The following ESRRG variants were observed in gnomAD, a reference collection of about 807,000 sequenced individuals.
The protein encoded by ESRRG is estrogen related receptor gamma.
ESRRG carries 13 observed loss-of-function variants against 44.0 expected under a neutral mutation model. The observed-to-expected ratio is 0.30, with a 90% CI of 0.19 to 0.47. The LOEUF is 0.47. Among genes scored for constraint, ESRRG ranks in the 20% least tolerant of loss-of-function variants. The pLI is 1.00. For synonymous variants in ESRRG, 215 were observed against 214.6 expected, an observed-to-expected ratio of 1.00 and a Z score of -0.02; for missense variants, 395 against 580.6, an observed-to-expected ratio of 0.68 and a Z score of 3.29.
intron 2 of ESRRG, among the ~76,000 whole-genome samples, chr1:216,729,580 C>T (rs906921251): frequency 6.6e-5 from 10 of 152,074 alleles, no homozygotes; most frequent in African/African-American, 2.4e-4. Context: ...AAAGGGAAAA[C>T]TAAAAGATGT....
In ESRRG at chr1:216,977,343, C is replaced by T. The variant is rs2818775; in HGVS notation, c.-105-37670G>A. On this transcript the variant is annotated intron_variant, in intron 1 of 7. Transcript: ENST00000359162. ...ACAAAGTTTCCAAGGAGGATACATA[C>T]ACACACACACACACACACACACACA... Among the ~76,000 whole-genome samples, 244 of 55,584 alleles carry T rather than the reference C, an allele frequency of 4.4e-3. 4 individuals carry two copies. The East Asian group carries it at 0.11, about 25-fold the overall frequency. The allele number at this position is 55,584 out of a possible 152,430, so 36.5% of individuals were successfully genotyped here.
At chr1:217,086,156 A>G (rs943011958) in intron 1 of ESRRG, among the ~76,000 whole-genome samples, 11 of 152,236 alleles carry the variant, frequency 7.2e-5, no homozygotes, top group Admixed American at 2.6e-4. Flanking sequence ...AGTTGGTTTT[A>G]TCATACCCGT....
rs943727763 is a variant in ESRRG, at chr1:216,982,618, G to A, written c.-105-42945C>T. On this transcript the variant is annotated intron_variant, in intron 1 of 7. Transcript: ENST00000359162. The stretch of plus-strand genomic sequence containing the variant: ...GAAAAAAAGGTATTGAAAAAGAATG[G>A]AATAGTAGAGAGTAGAAGAGCACCT... Among the ~76,000 whole-genome samples, 7 of 152,180 alleles carry A rather than the reference G, an allele frequency of 4.6e-5. 1 individual carries two copies. The highest frequency in any genetic ancestry group is 1.7e-4 in the African/African-American group (7 of 41,442).
chr1:216,707,544 T>C, intron 1 of ESRRG: 1 of 1,486,874 alleles, frequency 6.7e-7, no homozygotes, highest in Middle Eastern at 1.7e-4. Context: ...AAGTTTTATG[T>C]AAAACTACAG....
chr1:217,110,685 G>A (rs368349734), intron 1 of ESRRG, among the ~76,000 whole-genome samples: 4 of 152,218 alleles, frequency 2.6e-5, no homozygotes, highest in South Asian at 2.1e-4. Context: ...CAGATCTCAC[G>A]AGAACTCACT....
chr1:217,060,660 TA>T (rs1481063701), intron 1 of ESRRG, among the ~76,000 whole-genome samples: 3 of 152,080 alleles, frequency 2.0e-5, no homozygotes, highest in Admixed American at 6.6e-5. Context: ...GCCATGCATA[TA>T]AAATGAAGTT....
intron 2 of ESRRG, among the ~76,000 whole-genome samples, chr1:216,789,601 A>T (rs541044196): frequency 6.6e-6 from 1 of 152,126 alleles, no homozygotes; most frequent in South Asian, 2.1e-4. Context: ...CAGAACTAGC[A>T]CTATCTCCGA....
intron 1 of ESRRG, among the ~76,000 whole-genome samples, chr1:216,722,288 G>C (rs1388448905): frequency 1.3e-5 from 2 of 152,166 alleles, no homozygotes; most frequent in Admixed American, 6.5e-5. Flanking sequence ...CAGAAAGGGA[G>C]ATAAACCAGT....
At chr1:216,648,904 A>G (rs904228509) in intron 3 of ESRRG, among the ~76,000 whole-genome samples, 1 of 152,166 alleles carries the variant, frequency 6.6e-6, no homozygotes, top group Admixed American at 6.6e-5. Flanking sequence ...TTGAGTCTCT[A>G]CAACAAAACT....
intron 2 of ESRRG, among the ~76,000 whole-genome samples, chr1:216,935,460 T>C (rs982280201): frequency 2.0e-4 from 31 of 152,250 alleles, no homozygotes; most frequent in Non-Finnish European, 2.8e-4. Context: ...AGAATACAGA[T>C]GAACAGCCAG....
chr1:216,697,216 T>TA (rs1169196138), intron 1 of ESRRG, among the ~76,000 whole-genome samples: 1 of 152,200 alleles, frequency 6.6e-6, no homozygotes, highest in Non-Finnish European at 1.5e-5. Context: ...TCCACCCGCC[T>TA]TGGCCTCCCA....
chr1:216,585,718 T>A (rs1490565519), intron 3 of ESRRG, among the ~76,000 whole-genome samples: 3 of 152,178 alleles, frequency 2.0e-5, no homozygotes, highest in Admixed American at 2.0e-4. Context: ...ATTTTATTGA[T>A]CCTAATAACT....
intron 3 of ESRRG, among the ~76,000 whole-genome samples, chr1:216,644,775 C>A (rs1241199804): frequency 6.6e-6 from 1 of 151,854 alleles, no homozygotes; most frequent in Non-Finnish European, 1.5e-5. Flanking sequence ...GTATGAAAAT[C>A]AAAAATGGGT....
intron 1 of ESRRG, among the ~76,000 whole-genome samples, chr1:217,044,099 T>C (rs1306550199): frequency 6.6e-6 from 1 of 152,214 alleles, no homozygotes; most frequent in Non-Finnish European, 1.5e-5. Flanking sequence ...AAGGCAATAA[T>C]TGGCTTTCAA....
At chr1:216,723,170 A>G in intron 1 of ESRRG, 74 bp downstream of exon 1, 1 of 1,232,928 alleles carries the variant, frequency 8.1e-7, no homozygotes, top group Non-Finnish European at 1.2e-6. Context: ...ATCAGTGTGT[A>G]AAGATATAGT....
At chr1:216,694,136 T>C (rs959442216) in intron 1 of ESRRG, among the ~76,000 whole-genome samples, 98 of 152,342 alleles carry the variant, frequency 6.4e-4, no homozygotes, top group African/African-American at 2.3e-3. Flanking sequence ...AGGTAAACTC[T>C]GACATGGTAT....
intron 3 of ESRRG, among the ~76,000 whole-genome samples, chr1:216,591,412 T>C (rs770063885): frequency 1.3e-4 from 20 of 152,196 alleles, no homozygotes; most frequent in Non-Finnish European, 2.6e-4. Context: ...GCTCTTTACA[T>C]GTGTGACCTG....
intron 2 of ESRRG, among the ~76,000 whole-genome samples, chr1:216,743,906 G>A (rs1216686868): frequency 1.3e-5 from 2 of 152,200 alleles, no homozygotes; most frequent in South Asian, 2.1e-4. Flanking sequence ...GTAACTTGCA[G>A]AAATAATTCT....
At chr1:216,821,362 T>A (rs927735504) in intron 2 of ESRRG, among the ~76,000 whole-genome samples, 2 of 152,038 alleles carry the variant, frequency 1.3e-5, no homozygotes, top group African/African-American at 4.8e-5. Context: ...TTGTGGGGGT[T>A]TATTTGTGGG....
Sources: allele counts gnomAD v4.1 joint callset (sites outside exome capture counted in the v4.1 genomes callset), GRCh38; gene constraint gnomAD v4.1.1; transcripts MANE v1.5; gene names NCBI Gene and HGNC (gene_info 2026-07-23, HGNC 2026-07-21).